Variants in METAP2 observed in about 807,000 individuals in gnomAD.
METAP2 encodes methionine aminopeptidase 2.
A neutral mutation model predicts 59.4 loss-of-function variants in METAP2; 25 were observed. That is an observed-to-expected ratio of 0.42 (90% CI 0.31 to 0.59). The LOEUF is 0.59. Among genes scored for constraint, METAP2 ranks in the 20% least tolerant of loss-of-function variants. METAP2 has a pLI of 0.16. For missense variants in METAP2, 366 were observed against 581.2 expected (o/e 0.63, Z 3.81); for synonymous variants, 214 against 194.1 (o/e 1.10, Z -0.85).
At chr12:95,493,167 T>C (rs2076252103) in intron 4 of METAP2, among the ~76,000 whole-genome samples, 1 of 152,176 alleles carries the variant, frequency 6.6e-6, no homozygotes. Context: ...TCATGGATCT[T>C]ATTCCCAGAT....
chr12:95,501,163 C>CT (rs2076312505), intron 7 of METAP2, among the ~76,000 whole-genome samples: 1 of 152,000 alleles, frequency 6.6e-6, no homozygotes, highest in South Asian at 2.1e-4. Flanking sequence ...GCGTGTACCA[C>CT]TACACCCAGC....
At chr12:95,490,190 C>T (rs1457648408) in intron 4 of METAP2, among the ~76,000 whole-genome samples, 1 of 149,168 alleles carries the variant, frequency 6.7e-6, no homozygotes, top group East Asian at 1.9e-4. Context: ...TAGCCTGGAA[C>T]TTCTGGGCTT....
At chr12:95,506,123 T>TCTGTTGTCCA (rs1468353548) in intron 8 of METAP2, among the ~76,000 whole-genome samples, 1 of 151,688 alleles carries the variant, frequency 6.6e-6, no homozygotes, top group African/African-American at 2.4e-5. Context: ...AGAGTCTTCC[T>TCTGTTGTCCA]CTGTTGTCCA....
At chr12:95,477,427 T>G (rs1383086768) in intron 2 of METAP2, among the ~76,000 whole-genome samples, 1 of 152,182 alleles carries the variant, frequency 6.6e-6, no homozygotes, top group East Asian at 1.9e-4. Context: ...TTAACTCTTT[T>G]CATTCTGAAA....
intron 8 of METAP2, among the ~76,000 whole-genome samples, chr12:95,505,647 A>G (rs1423894526): frequency 6.6e-6 from 1 of 152,016 alleles, no homozygotes; most frequent in African/African-American, 2.4e-5. Flanking sequence ...GACGTGTGCC[A>G]CCATAGTTGG....
rs572333375 is a variant in METAP2, at chr12:95,500,527, C to A, written c.868-3538C>A. 9.9e-4 allele frequency among the ~76,000 whole-genome samples: 151 copies of A among 152,246 alleles called. 1 individual carries two copies. The highest frequency in any genetic ancestry group is 3.6e-3 in the African/African-American group (148 of 41,550). On this transcript the variant is annotated intron_variant, in intron 7 of 10. Transcript: ENST00000323666. ...AGTATGATGTTAGCTGTAGGTTTTT[C>A]ATAGATGGCTTTTATTACGTTGAGG...
At chr12:95,502,968 C>T (rs561567242) in intron 7 of METAP2, among the ~76,000 whole-genome samples, 127 of 119,640 alleles carry the variant, frequency 1.1e-3, no homozygotes, top group African/African-American at 3.9e-3. Flanking sequence ...TTTTTTGGCT[C>T]TCTCAATGTC....
intron 4 of METAP2, among the ~76,000 whole-genome samples, chr12:95,491,388 T>C (rs2076236789): frequency 6.6e-6 from 1 of 152,248 alleles, no homozygotes; most frequent in South Asian, 2.1e-4. Context: ...GAATTTTCTC[T>C]GTCAACTGGG....
intron 2 of METAP2, among the ~76,000 whole-genome samples, chr12:95,476,760 T>A (rs2076122883): frequency 6.6e-6 from 1 of 152,176 alleles, no homozygotes; most frequent in South Asian, 2.1e-4. Flanking sequence ...TGAGTATTAA[T>A]AAGATTGAGG....
intron 4 of METAP2, among the ~76,000 whole-genome samples, chr12:95,489,033 A>C (rs1594419338): frequency 6.6e-6 from 1 of 151,936 alleles, no homozygotes; most frequent in African/African-American, 2.4e-5. Context: ...ATTCAATTTT[A>C]TTTTTTCCAG....
In METAP2 at chr12:95,494,079, C is replaced by T. The variant is rs759362738; in HGVS notation, c.452C>T (p.Thr151Ile). Residue 151 changes from threonine to isoleucine, a missense_variant, in exon 5 of 11, where the codon ACA (threonine) becomes ATA (isoleucine). By Grantham distance (89) the Thr-to-Ile change is moderately conservative. This residue lies in a region of METAP2 where 177 missense variants were observed against 180.3 expected (regional missense o/e 0.98). Coordinates refer to ENST00000323666, the MANE Select transcript of METAP2 (RefSeq NM_006838.4). ...QDGRTAAWRTTSEEKKALDQA... is the reference protein window; with the variant it reads ...QDGRTAAWRTISEEKKALDQA... Reference sequence around the variant, plus strand: ...AGGCGAACAGCTGCTTGGAGAACTACAAGTGAAGAAAAGAAAGCATTAGAT... The same window carrying T: ...AGGCGAACAGCTGCTTGGAGAACTATAAGTGAAGAAAAGAAAGCATTAGAT... The T allele has an allele frequency of 2.5e-6, 4 of 1,613,680 alleles. No individual in the cohort carries two copies.
At chr12:95,475,982 G>A in intron 1 of METAP2, 89 bp from the exon 2 acceptor site, 1 of 743,494 alleles carries the variant, frequency 1.3e-6, no homozygotes, top group Non-Finnish European at 2.2e-6. Context: ...CTGAGGAAAG[G>A]ATTTGTAAGT....
Position 95,506,889 on chromosome 12 carries a change from A to G in METAP2, c.964+2728A>G, listed in dbSNP as rs143031221. ...GAGAGCAGTGGTGCAGTCTTGGATC[A>G]CTATAAGCTCAGCCTCCCGAGTAGT... On this transcript the variant is annotated intron_variant, in intron 8 of 10. Coordinates refer to ENST00000323666, the MANE Select transcript of METAP2 (RefSeq NM_006838.4). Among the ~76,000 whole-genome samples, 269 of 151,926 alleles carry G rather than the reference A, an allele frequency of 1.8e-3. 4 individuals are homozygous for G. In the East Asian group the frequency reaches 0.049, roughly 28 times the overall value.
intron 8 of METAP2, among the ~76,000 whole-genome samples, chr12:95,504,741 C>A (rs1036916521): frequency 6.6e-6 from 1 of 152,130 alleles, no homozygotes; most frequent in East Asian, 1.9e-4. Flanking sequence ...TGAGCTCAAG[C>A]GATCCTCCCA....
chr12:95,487,653 C>T (rs993326427), intron 4 of METAP2, among the ~76,000 whole-genome samples: 1 of 151,120 alleles, frequency 6.6e-6, no homozygotes, highest in African/African-American at 2.4e-5. Flanking sequence ...TGTTAACCAC[C>T]TAGCAGGTAG....
At chr12:95,488,566 A>G (rs2076215220) in intron 4 of METAP2, among the ~76,000 whole-genome samples, 1 of 149,686 alleles carries the variant, frequency 6.7e-6, no homozygotes, top group Non-Finnish European at 1.5e-5. Context: ...GTAGTCTCTC[A>G]GATTTTCTTG....
At chr12:95,481,066 A>T (rs984678626) in intron 2 of METAP2, among the ~76,000 whole-genome samples, 7 of 152,172 alleles carry the variant, frequency 4.6e-5, no homozygotes, top group Admixed American at 2.0e-4. Context: ...TCTTTTTTTT[A>T]AAATATGATT....
intron 7 of METAP2, among the ~76,000 whole-genome samples, chr12:95,502,949 AT>A (rs71307542): frequency 0.051 from 6,786 of 134,226 alleles, 197 homozygotes; most frequent in Non-Finnish European, 0.071. Context: ...TTGTTCATAC[AT>A]TTTTTTTTTT....
chr12:95,512,624 A>G (rs1252316162), intron 9 of METAP2, among the ~76,000 whole-genome samples, 177 bp from the exon 10 acceptor site: 3 of 152,158 alleles, frequency 2.0e-5, no homozygotes, highest in African/African-American at 7.2e-5. Context: ...AGGCAGGAGA[A>G]TCGCTTGAAC....
Sources: allele counts gnomAD v4.1 joint callset (sites outside exome capture counted in the v4.1 genomes callset), GRCh38; gene constraint gnomAD v4.1.1; regional missense constraint gnomAD v4.1.1; transcripts MANE v1.5; gene names NCBI Gene and HGNC (gene_info 2026-07-23, HGNC 2026-07-21).